PARD3B: variants seen among roughly 807,000 people sequenced by gnomAD.
The protein encoded by PARD3B is par-3 family cell polarity regulator beta.
In PARD3B, 103 loss-of-function variants were observed where a neutral mutation model predicts 130.2. That is an observed-to-expected ratio of 0.79 (90% CI 0.67 to 0.93). The LOEUF (loss-of-function observed/expected upper bound fraction) is 0.93. Among genes scored for constraint, PARD3B ranks in the 40% least tolerant of loss-of-function variants. The pLI is 0.00. For synonymous variants in PARD3B, 583 were observed against 553.2 expected (o/e 1.05, Z -0.76); for missense variants, 1,609 against 1,499.2 (o/e 1.07, Z -1.21).
intron 2 of PARD3B, among the ~76,000 whole-genome samples, chr2:204,905,241 G>A (rs1189237874): frequency 1.3e-5 from 2 of 152,160 alleles, no homozygotes; most frequent in East Asian, 3.9e-4. Context: ...GCATCTTGGA[G>A]CAGTGCCCCG....
At chr2:205,542,084 A>G (rs1207723861) in intron 21 of PARD3B, among the ~76,000 whole-genome samples, 1 of 136,066 alleles carries the variant, frequency 7.3e-6, no homozygotes, top group Non-Finnish European at 1.5e-5. Flanking sequence ...CGGAGGTTGC[A>G]GTAAGCTGAG....
chr2:204,764,972 G>C (rs1436049736), intron 2 of PARD3B, among the ~76,000 whole-genome samples: 3 of 151,924 alleles, frequency 2.0e-5, no homozygotes, highest in African/African-American at 7.3e-5. Flanking sequence ...ATTCCAGTGA[G>C]ACTTTAGAGA....
chr2:205,197,426 C>T (rs2036757364), intron 15 of PARD3B, among the ~76,000 whole-genome samples: 1 of 152,042 alleles, frequency 6.6e-6, no homozygotes, highest in Non-Finnish European at 1.5e-5. Flanking sequence ...GTATATTAAA[C>T]ACTTCTTGAG....
chr2:204,650,306 A>G (rs1333656080), intron 1 of PARD3B, among the ~76,000 whole-genome samples: 1 of 152,186 alleles, frequency 6.6e-6, no homozygotes, highest in East Asian at 1.9e-4. Flanking sequence ...GTGGGACTGT[A>G]AACTGGTTCA....
At chr2:205,368,215 TATACCA>T (rs2044679564) in intron 18 of PARD3B, among the ~76,000 whole-genome samples, 1 of 152,208 alleles carries the variant, frequency 6.6e-6, no homozygotes, top group Non-Finnish European at 1.5e-5. Flanking sequence ...AAATAAAGGA[TATACCA>T]ATACTGGTGG....
chr2:205,217,928 C>G, intron 15 of PARD3B, among the ~76,000 whole-genome samples: 1 of 127,918 alleles, frequency 7.8e-6, no homozygotes, highest in African/African-American at 3.0e-5. Context: ...TGGTCTCTCG[C>G]TCTGTCACCC....
intron 15 of PARD3B, among the ~76,000 whole-genome samples, chr2:205,205,475 A>C (rs552662790): frequency 1.2e-4 from 18 of 152,242 alleles, no homozygotes; most frequent in Non-Finnish European, 2.1e-4. Context: ...AGAACTTCCA[A>C]TACTATGTTA....
At position 205,341,005 on chromosome 2, in the gene PARD3B, T is replaced by C. The variant is rs11691342; in HGVS notation, c.2630+39304T>C. Among the ~76,000 whole-genome samples, 90,090 of 151,662 alleles carry C rather than the reference T, an allele frequency of 0.59. 30,396 individuals carry two copies. Among genetic ancestry groups the C allele is most frequent in the South Asian group, 0.77 (3,706 of 4,824 alleles). ...AATTACATTAAAAAATGCTTGACAT[T>C]ACTAATCATCAGGGAAATACAAACC... On this transcript the variant is annotated intron_variant, in intron 18 of 22. Coordinates refer to ENST00000406610, the MANE Select transcript of PARD3B (RefSeq NM_001302769.2). The surrounding 1 kb of genome is among the most constrained non-coding windows in gnomAD (Gnocchi z 4.3).
At chr2:204,936,614 G>A (rs73053185) in intron 2 of PARD3B, among the ~76,000 whole-genome samples, 10 of 152,274 alleles carry the variant, frequency 6.6e-5, no homozygotes, top group African/African-American at 2.4e-4. Context: ...TTTTAGAAAT[G>A]TTCCAAATTG....
intron 21 of PARD3B, among the ~76,000 whole-genome samples, chr2:205,528,972 T>C (rs2051461178): frequency 6.6e-6 from 1 of 152,184 alleles, no homozygotes; most frequent in South Asian, 2.1e-4. Flanking sequence ...TCAATCTATG[T>C]TTATGAATTT....
intron 20 of PARD3B, among the ~76,000 whole-genome samples, chr2:205,498,098 G>A (rs1413507248): frequency 6.6e-6 from 1 of 150,950 alleles, no homozygotes. Flanking sequence ...TATTTTGGAT[G>A]CTGAGACAGG....
intron 2 of PARD3B, among the ~76,000 whole-genome samples, chr2:204,877,700 A>AT (rs1350042621): frequency 2.0e-5 from 3 of 152,170 alleles, no homozygotes; most frequent in African/African-American, 7.2e-5. Context: ...AACACTGGTA[A>AT]TTTTTTCAAG....
intron 16 of PARD3B, among the ~76,000 whole-genome samples, chr2:205,279,047 G>A (rs184002378): frequency 9.6e-6 from 1 of 103,666 alleles, no homozygotes; most frequent in Non-Finnish European, 1.8e-5. Context: ...CCCCAGCCTG[G>A]ATGACAGAGC....
chr2:205,024,165 T>TC (rs1486673876), intron 3 of PARD3B, among the ~76,000 whole-genome samples: 3 of 129,258 alleles, frequency 2.3e-5, no homozygotes, highest in African/African-American at 3.3e-5. Flanking sequence ...TTTCTTTCTT[T>TC]TTTTTTTTTT....
intron 22 of PARD3B, among the ~76,000 whole-genome samples, chr2:205,605,417 G>C (rs1016716153): frequency 6.6e-6 from 1 of 152,142 alleles, no homozygotes; most frequent in African/African-American, 2.4e-5. Context: ...TTTGTTGGTA[G>C]TGGTGGTGGT....
chr2:205,596,820 G>A (rs186471026), intron 22 of PARD3B, among the ~76,000 whole-genome samples: 22 of 152,178 alleles, frequency 1.4e-4, no homozygotes, highest in African/African-American at 5.3e-4. Context: ...GCAATTGAGA[G>A]GGGTACCAAA....
At chr2:205,034,657 T>C (rs1312184576) in intron 3 of PARD3B, among the ~76,000 whole-genome samples, 1 of 152,146 alleles carries the variant, frequency 6.6e-6, no homozygotes, top group African/African-American at 2.4e-5. Flanking sequence ...GGGATTGCTA[T>C]TTAAGAAAAG....
At chr2:205,045,370 T>G (rs1698702221) in intron 3 of PARD3B, among the ~76,000 whole-genome samples, 1 of 151,772 alleles carries the variant, frequency 6.6e-6, no homozygotes, top group Admixed American at 6.6e-5. Flanking sequence ...TGCTTCAGCC[T>G]CCGAGTAGCT....
At chr2:204,671,555 G>T (rs2036301632) in intron 1 of PARD3B, among the ~76,000 whole-genome samples, 1 of 152,088 alleles carries the variant, frequency 6.6e-6, no homozygotes, top group South Asian at 2.1e-4. Flanking sequence ...CCTCTGAGAA[G>T]TCATTACTTC....
Sources: gnomAD v4.1 joint callset for allele counts (sites outside exome capture counted in the v4.1 genomes callset) on GRCh38, gnomAD v4.1.1 for gene constraint, Gnocchi (gnomAD v3.1) non-coding constraint, MANE v1.5 for transcripts, NCBI Gene and HGNC (gene_info 2026-07-23, HGNC 2026-07-21) for gene names.